Variants in GALNTL6 observed in about 807,000 individuals in gnomAD.
GALNTL6 encodes the protein polypeptide N-acetylgalactosaminyltransferase-like 6.
Under a neutral mutation model 73.7 loss-of-function variants are expected in GALNTL6, and 46 were observed. That is an observed-to-expected ratio of 0.62 (90% CI 0.49 to 0.80). GALNTL6 has a LOEUF of 0.80. Among genes scored for constraint, GALNTL6 ranks in the 30% least tolerant of loss-of-function variants. The probability of loss-of-function intolerance (pLI) is 0.00; values close to 1 mark genes in which losing one functional copy is unlikely to be tolerated. For synonymous variants in GALNTL6, 259 were observed against 263.7 expected, an observed-to-expected ratio of 0.98 and a Z score of 0.17; for missense variants, 604 against 755.0, an observed-to-expected ratio of 0.80 and a Z score of 2.34.
At chr4:172,117,179 C>T (rs1335046269) in intron 2 of GALNTL6, among the ~76,000 whole-genome samples, 17 of 152,136 alleles carry the variant, frequency 1.1e-4, no homozygotes, top group Admixed American at 1.1e-3. Flanking sequence ...AATTCTAACT[C>T]TCACATCCAC....
chr4:172,894,272 G>T (rs979319639), intron 8 of GALNTL6, among the ~76,000 whole-genome samples: 8 of 151,950 alleles, frequency 5.3e-5, no homozygotes, highest in Non-Finnish European at 7.4e-5. Context: ...TTCTTGAGGT[G>T]TATCACTAGG....
intron 2 of GALNTL6, among the ~76,000 whole-genome samples, chr4:171,941,048 A>G (rs1738526442): frequency 6.6e-6 from 1 of 152,082 alleles, no homozygotes; most frequent in Non-Finnish European, 1.5e-5. Flanking sequence ...TTAATAATCT[A>G]CAGTCACTTC....
rs1734148364 is a variant in GALNTL6 at position 172,153,098 on chromosome 4, G to A, written c.139-76558G>A. ...CAAGTTATAGCTAGAGTTCACATCC[G>A]CTTATTGACACCAACCCCTAAACAA... On this transcript the variant is annotated intron_variant, in intron 2 of 12. Transcript: ENST00000506823. 2.0e-5 allele frequency among the ~76,000 whole-genome samples: 3 copies of A among 152,134 alleles called. No homozygotes were observed. In the South Asian group the frequency reaches 6.2e-4, roughly 32 times the overall value.
intron 5 of GALNTL6, among the ~76,000 whole-genome samples, chr4:172,513,912 T>C (rs1332546039): frequency 1.3e-5 from 2 of 152,204 alleles, no homozygotes; most frequent in Non-Finnish European, 2.9e-5. Flanking sequence ...AAAGTTGTCA[T>C]GTAGACATAC....
At chr4:172,397,640 C>T (rs373237056) in intron 5 of GALNTL6, among the ~76,000 whole-genome samples, 4 of 151,760 alleles carry the variant, frequency 2.6e-5, no homozygotes, top group East Asian at 1.9e-4. Context: ...TGCAGTGGTG[C>T]GGTCTCTGCT....
chr4:172,400,249 AG>A (rs1490326414), intron 5 of GALNTL6, among the ~76,000 whole-genome samples: 3 of 152,202 alleles, frequency 2.0e-5, no homozygotes, highest in African/African-American at 7.2e-5. Context: ...AAAGATCAAC[AG>A]AAGTTTCTCT....
chr4:172,130,168 A>G (rs1019976083), intron 2 of GALNTL6, among the ~76,000 whole-genome samples: 1 of 142,132 alleles, frequency 7.0e-6, no homozygotes, highest in South Asian at 2.3e-4. Flanking sequence ...TGTTGGGTAG[A>G]TCTCATTACA....
chr4:171,917,829 T>C (rs1434676095), intron 2 of GALNTL6, among the ~76,000 whole-genome samples: 1 of 152,110 alleles, frequency 6.6e-6, no homozygotes, highest in Non-Finnish European at 1.5e-5. Context: ...GGTTTTAATA[T>C]ACTAATGACA....
At position 172,182,007 on chromosome 4, in the gene GALNTL6, G is replaced by A. The variant is rs564899481; in HGVS notation, c.139-47649G>A. Among the ~76,000 whole-genome samples the A allele has an allele frequency of 5.9e-5, 9 of 151,994 alleles. No individual in the cohort carries two copies. In the South Asian group the frequency reaches 8.3e-4, roughly 14 times the overall value. ...GCTGGGATTACAGGAGTGAGCCACCGCGCCCGGCCTTCAGCCCCAAATCTT... is the reference window on the plus strand; with the variant it reads ...GCTGGGATTACAGGAGTGAGCCACCACGCCCGGCCTTCAGCCCCAAATCTT... On this transcript the variant is annotated intron_variant, in intron 2 of 12. Transcript: ENST00000506823.
chr4:172,310,912 A>G (rs2111143383), intron 3 of GALNTL6, among the ~76,000 whole-genome samples: 1 of 152,174 alleles, frequency 6.6e-6, no homozygotes, highest in South Asian at 2.1e-4. Context: ...TATGTAAAAA[A>G]CAAAAACTGT....
At chr4:172,589,656 A>C (rs538942774) in intron 5 of GALNTL6, among the ~76,000 whole-genome samples, 1 of 152,354 alleles carries the variant, frequency 6.6e-6, no homozygotes, top group Admixed American at 6.5e-5. Flanking sequence ...CAGCCTTAAA[A>C]ATTAAACACA....
At position 172,311,661 on chromosome 4, in the gene GALNTL6, G is replaced by A; in HGVS notation, c.295G>A (p.Asp99Asn). The A allele has an allele frequency of 6.2e-7, 1 of 1,612,216 alleles. No homozygotes were observed. Among genetic ancestry groups the A allele is most frequent in the Non-Finnish European group, 8.5e-7 (1 of 1,178,728 alleles). ...KPYPLTEEDH[D>N]DSAYRENGFN... The stretch of plus-strand genomic sequence containing the variant: ...TTACCCCCTTACTGAAGAGGACCAT[G>A]ATGACTCAGCTTACAGGGAAAATGG... Residue 99 changes from aspartate to asparagine, a missense_variant, in exon 4 of 13, where the codon GAT becomes AAT. By Grantham distance (23) the Asp-to-Asn change is conservative (BLOSUM62 1). Coordinates refer to ENST00000506823, the MANE Select transcript of GALNTL6 (RefSeq NM_001034845.3).
Position 172,275,738 on chromosome 4 carries a change from C to T in GALNTL6, c.248-35876C>T, listed in dbSNP as rs552277890. ...TTTGGGAGGCTGAGGCATGAGATCA[C>T]TTGAGGTCAAAAGTTGGACACCAGC... On this transcript the variant is annotated intron_variant, in intron 3 of 12. Coordinates refer to ENST00000506823, the MANE Select transcript of GALNTL6 (RefSeq NM_001034845.3). 2.0e-5 allele frequency among the ~76,000 whole-genome samples: 3 copies of T among 152,242 alleles called. No homozygotes were observed. In the South Asian group the frequency reaches 6.2e-4, roughly 32 times the overall value.
At chr4:172,384,104 G>A (rs568387012) in intron 5 of GALNTL6, among the ~76,000 whole-genome samples, 13 of 152,064 alleles carry the variant, frequency 8.5e-5, no homozygotes, top group Non-Finnish European at 1.8e-4. Flanking sequence ...TTGGTATCAA[G>A]GTAATACACA....
chr4:172,037,132 G>C (rs960759491), intron 2 of GALNTL6, among the ~76,000 whole-genome samples: 1 of 152,112 alleles, frequency 6.6e-6, no homozygotes. Context: ...TTAATTTTTA[G>C]AGCTTGCTAA....
At chr4:172,200,282 A>G (rs1010372685) in intron 2 of GALNTL6, among the ~76,000 whole-genome samples, 5 of 152,164 alleles carry the variant, frequency 3.3e-5, no homozygotes, top group Admixed American at 3.3e-4. Context: ...TTGTTAAAAT[A>G]CTCCAGTTTA....
chr4:172,614,485 A>AT (rs1183074258), intron 5 of GALNTL6, among the ~76,000 whole-genome samples: 1 of 152,108 alleles, frequency 6.6e-6, no homozygotes, highest in East Asian at 1.9e-4. Context: ...AGGGACATGA[A>AT]TTTTTTTCAA....
intron 5 of GALNTL6, among the ~76,000 whole-genome samples, chr4:172,601,465 G>T (rs1241929832): frequency 1.3e-5 from 2 of 152,058 alleles, no homozygotes; most frequent in Admixed American, 1.3e-4. Context: ...ACTGAAAATA[G>T]GTTGTTATAA....
In GALNTL6 at chr4:171,975,926, C is replaced by T. The variant is rs893205025; in HGVS notation, c.138+161208C>T. On this transcript the variant is annotated intron_variant, in intron 2 of 12. Transcript: ENST00000506823. The stretch of plus-strand genomic sequence containing the variant: ...AAAATGTATGTGGAGTATATACAAG[C>T]GGCATTTTTTTTTAAGACGGAATTT... Among the ~76,000 whole-genome samples, 3 of 118,124 alleles carry T rather than the reference C, an allele frequency of 2.5e-5. No homozygotes were observed. In the Admixed American group the frequency reaches 3.0e-4, roughly 12 times the overall value. The allele number at this position is 118,124 out of a possible 152,430, so 77.5% of individuals were successfully genotyped here.
Sources: allele counts gnomAD v4.1 joint callset (sites outside exome capture counted in the v4.1 genomes callset), GRCh38; gene constraint gnomAD v4.1.1; transcripts MANE v1.5; gene names NCBI Gene and HGNC (gene_info 2026-07-23, HGNC 2026-07-21).